The following PCNT variants were observed in gnomAD, a reference collection of about 807,000 sequenced individuals.
PCNT encodes the protein kendrin.
Under a neutral mutation model 380.4 loss-of-function variants are expected in PCNT, and 319 were observed. The observed-to-expected ratio is 0.84, with a 90% CI of 0.77 to 0.92. The LOEUF is 0.92. Ranked by LOEUF, PCNT falls within the 40% of genes least tolerant of loss-of-function variation. The pLI, the probability that PCNT is intolerant of heterozygous loss-of-function variation, is 0.00. For missense variants in PCNT, 4,400 were observed against 4,255.3 expected (o/e 1.03, Z -0.95); for synonymous variants, 1,845 against 1,735.2 (o/e 1.06, Z -1.57).
chr21:46,347,038 C>T (rs1459214262), intron 5 of PCNT, 40 bp downstream of exon 5: 28 of 1,573,222 alleles, frequency 1.8e-5, no homozygotes, highest in South Asian at 3.5e-5. Context: ...CGTGTGGGCT[C>T]GGTGTGGGCA....
At chr21:46,344,155 G>T (rs1877757488) in intron 3 of PCNT, among the ~76,000 whole-genome samples, 2 of 151,554 alleles carry the variant, frequency 1.3e-5, no homozygotes, top group African/African-American at 4.8e-5. Flanking sequence ...AGCTCTGCCG[G>T]GTCTGCCTCC....
At chr21:46,399,504 C>G in intron 24 of PCNT, 86 bp from the exon 25 acceptor site, 4 of 994,662 alleles carry the variant, frequency 4.0e-6, no homozygotes, top group Non-Finnish European at 4.8e-6. Flanking sequence ...TATTTTGTCT[C>G]TGTTGTTTTG....
Position 46,430,586 on chromosome 21 carries a change from C to T in PCNT, c.7993C>T (p.Leu2665=), listed in dbSNP as rs370099497. The T allele has an allele frequency of 1.3e-4, 200 of 1,564,040 alleles. No homozygotes were observed. Among genetic ancestry groups the T allele is most frequent in the Middle Eastern group, 8.8e-4 (4 of 4,526 alleles). ...LESEQGKGRA[L]QSQLEEEQLR... ...GAGTGAGCAGGGGAAGGGGCGTGCC[C>T]TGCAGAGCCAGCTGGAGGAGGAGCA... The change falls in exon 37 of 47, where the codon CTG becomes TTG. Residue 2665 remains leucine (L), a synonymous_variant. Transcript: ENST00000359568.
chr21:46,346,828 T>C lies in PCNT; in HGVS notation c.806T>C (p.Leu269Pro). The change falls in exon 5 of 47, where the codon CTC becomes CCC. Residue 269 changes from leucine to proline, a missense_variant. By Grantham distance (98) the Leu-to-Pro change is moderately conservative. Transcript: ENST00000359568. Reference protein sequence around the residue: ...TAQLELTQANLQKEKETALTE... With the variant: ...TAQLELTQANPQKEKETALTE... The stretch of plus-strand genomic sequence containing the variant: ...CAGCTGGAGCTGACACAGGCCAACC[T>C]CCAGAAGGAGAAGGAGACGGCATTG... 2 of 1,606,546 alleles carry C rather than the reference T, an allele frequency of 1.2e-6. No individual in the cohort carries two copies. Among genetic ancestry groups the C allele is most frequent in the Non-Finnish European group, 1.7e-6 (2 of 1,177,196 alleles).
At chr21:46,344,497 G>A (rs895008947) in intron 3 of PCNT, among the ~76,000 whole-genome samples, 22 of 152,166 alleles carry the variant, frequency 1.4e-4, no homozygotes, top group East Asian at 5.8e-4. Context: ...CAGTTCCTCC[G>A]GGGGCCTTTC....
At chr21:46,406,349 T>G (rs1214304331) in intron 27 of PCNT, among the ~76,000 whole-genome samples, 1 of 152,246 alleles carries the variant, frequency 6.6e-6, no homozygotes, top group African/African-American at 2.4e-5. Flanking sequence ...TAAAGAGGTC[T>G]CACGTCTTTT....
In PCNT at chr21:46,358,505, G is replaced by A. The variant is rs571602044; in HGVS notation, c.2154+1314G>A. ...CCTGTGGGGAGCCGGACAGGCGGTA[G>A]GTGGGCCGATGGTCATGTGCCAATG... On this transcript the variant is annotated intron_variant, in intron 13 of 46. Coordinates refer to ENST00000359568, the MANE Select transcript of PCNT (RefSeq NM_006031.6). Among the ~76,000 whole-genome samples, 7 of 152,378 alleles carry A rather than the reference G, an allele frequency of 4.6e-5. No individual in the cohort carries two copies. The South Asian group carries it at 1.4e-3, about 32-fold the overall frequency.
intron 35 of PCNT, among the ~76,000 whole-genome samples, chr21:46,429,064 G>A (rs1255189869): frequency 2.0e-5 from 3 of 152,204 alleles, no homozygotes; most frequent in Admixed American, 6.5e-5. Context: ...AGCTGGTCTC[G>A]TACCATCGCA....
Position 46,422,122 on chromosome 21 carries a change from A to C in PCNT, c.7177A>C (p.Lys2393Gln), listed in dbSNP as rs1327442460. Reference sequence around the variant, plus strand: ...GAAGGAAGTGCGTCCGAAGCACGTGAAGGTATGGCTGGCAGGGGCGGCCCT... The same window carrying C: ...GAAGGAAGTGCGTCCGAAGCACGTGCAGGTATGGCTGGCAGGGGCGGCCCT... Reference protein sequence around the residue: ...KEKEVRPKHVKALLQMVRDES... With the variant: ...KEKEVRPKHVQALLQMVRDES... Residue 2393 changes from lysine (K) to glutamine (Q), a missense_variant and splice_region_variant, in exon 32 of 47, where the codon AAG becomes CAG. Physicochemically the swap from Lys to Gln is moderately conservative, Grantham distance 53 (BLOSUM62 1). Coordinates refer to ENST00000359568, the MANE Select transcript of PCNT (RefSeq NM_006031.6). The C allele has an allele frequency of 1.1e-5, 18 of 1,613,594 alleles. No individual in the cohort carries two copies. Among genetic ancestry groups the C allele is most frequent in the Non-Finnish European group, 1.5e-5 (18 of 1,180,010 alleles).
rs1004891332 is a variant in PCNT, at chr21:46,428,340, C to A, written c.7495-55C>A. ...TTTGAGGGCGGGCAGCAGGGAAGGC[C>A]GGGGCATGGGGTGGCTGCCCAATGC... On this transcript the variant is annotated intron_variant, in intron 34 of 46. Transcript: ENST00000359568. 60 of 1,531,888 alleles carry A rather than the reference C, an allele frequency of 3.9e-5. 2 individuals carry two copies. The South Asian group carries it at 5.0e-4, about 13-fold the overall frequency. 94.9% of individuals were successfully genotyped at this position (1,531,888 alleles called of 1,614,324 possible).
chr21:46,412,760 C>G (rs2086830408), intron 28 of PCNT, 77 bp from the exon 29 acceptor site: 2 of 1,529,070 alleles, frequency 1.3e-6, no homozygotes, highest in African/African-American at 2.7e-5. Context: ...TACTGGTTCC[C>G]AGCTCCAGGC....
Position 46,389,919 on chromosome 21 carries a change from G to A in PCNT, c.3840+488G>A, listed in dbSNP as rs567722862. Among the ~76,000 whole-genome samples the A allele has an allele frequency of 1.1e-3, 171 of 152,302 alleles. 1 individual carries two copies. Among genetic ancestry groups the A allele is most frequent in the Non-Finnish European group, 2.2e-3 (153 of 68,024 alleles). On this transcript the variant is annotated intron_variant, in intron 19 of 46. Transcript: ENST00000359568. Reference sequence around the variant, plus strand: ...TTGTAGCTCTGGCGCTGGAGGAGATGTGGTCTGATGTGGCCCTCCCGGAGT... The same window carrying A: ...TTGTAGCTCTGGCGCTGGAGGAGATATGGTCTGATGTGGCCCTCCCGGAGT...
Position 46,353,969 on chromosome 21 carries a change from A to G in PCNT, c.1680-18A>G, listed in dbSNP as rs1194939221. 1 of 1,607,848 alleles carries G rather than the reference A, an allele frequency of 6.2e-7. No homozygotes were observed. The highest frequency in any genetic ancestry group is 1.1e-5 in the South Asian group (1 of 90,908). ...AGGGGTACGTGTGTAAAGCTTTTAT[A>G]AAATGTTTTCCCTTCAGGTTGTCCT... On this transcript the variant is annotated intron_variant, in intron 10 of 46. Coordinates refer to ENST00000359568, the MANE Select transcript of PCNT (RefSeq NM_006031.6).
chr21:46,444,788 G>A lies in PCNT; in HGVS notation c.9934G>A (p.Val3312Met), dbSNP rs1569317669. 13 of 1,613,436 alleles carry A rather than the reference G, an allele frequency of 8.1e-6. No homozygotes were observed. The highest frequency in any genetic ancestry group is 1.3e-5 in the African/African-American group (1 of 74,976). ...GACAGAGTATATTCACCATTTAGAA[G>A]TGATCCAGCAAAGATTGGGAGGGGT... ...SLTEYIHHLEVIQQRLGGVLP... is the reference protein window; with the variant it reads ...SLTEYIHHLEMIQQRLGGVLP... Residue 3312 changes from valine (V) to methionine (M), a missense_variant, in exon 46 of 47, where the codon GTG becomes ATG. By Grantham distance (21) the Val-to-Met change is conservative (BLOSUM62 1). Coordinates refer to ENST00000359568, the MANE Select transcript of PCNT (RefSeq NM_006031.6).
At chr21:46,429,543 G>A (rs758547226) in intron 35 of PCNT, among the ~76,000 whole-genome samples, 53 of 152,224 alleles carry the variant, frequency 3.5e-4, no homozygotes, top group Admixed American at 1.2e-3. Context: ...TCTGTTTTCT[G>A]TTGTGCCTTT....
At chr21:46,431,354 T>A in intron 37 of PCNT, 175 bp from the exon 38 acceptor site, 1 of 1,456,656 alleles carries the variant, frequency 6.9e-7, no homozygotes, top group Non-Finnish European at 9.0e-7. Context: ...CAGTCTGGGT[T>A]TTTTGTTACT....
chr21:46,433,106 G>C (rs1274025235), intron 38 of PCNT, among the ~76,000 whole-genome samples: 2 of 152,218 alleles, frequency 1.3e-5, no homozygotes, highest in Non-Finnish European at 2.9e-5. Context: ...AGCAGGCCGG[G>C]CACGGTGGCC....
At chr21:46,366,328 C>T (rs142714858) in intron 14 of PCNT, among the ~76,000 whole-genome samples, 20 of 152,274 alleles carry the variant, frequency 1.3e-4, no homozygotes, top group African/African-American at 4.8e-4. Flanking sequence ...CTGGTTCCTA[C>T]CTGTGGTCTG....
At chr21:46,414,429 C>T (rs1342044535) in intron 29 of PCNT, among the ~76,000 whole-genome samples, 3 of 149,014 alleles carry the variant, frequency 2.0e-5, no homozygotes, top group East Asian at 2.0e-4. Flanking sequence ...CCTCCTCCTC[C>T]TCCTCCTCCT....
Sources: gnomAD v4.1 joint callset for allele counts (sites outside exome capture counted in the v4.1 genomes callset) on GRCh38, gnomAD v4.1.1 for gene constraint, MANE v1.5 for transcripts, NCBI Gene and HGNC (gene_info 2026-07-23, HGNC 2026-07-21) for gene names.